Variants in ADGRB2 observed in about 807,000 individuals in gnomAD.
The protein encoded by ADGRB2 is adhesion G protein-coupled receptor B2, also known as brain-specific angiogenesis inhibitor 2.
In ADGRB2, 47 loss-of-function variants were observed where a neutral mutation model predicts 178.7. The observed-to-expected ratio is 0.26, with a 90% CI of 0.21 to 0.34. The LOEUF (loss-of-function observed/expected upper bound fraction) is 0.34. Ranked by LOEUF, ADGRB2 falls within the 10% of genes least tolerant of loss-of-function variation. The probability of loss-of-function intolerance (pLI) is 1.00; values close to 1 mark genes in which losing one functional copy is unlikely to be tolerated. For missense variants in ADGRB2, 1,584 were observed against 2,180.8 expected (o/e 0.73, Z 5.45); for synonymous variants, 870 against 912.4 (o/e 0.95, Z 0.84).
intron 4 of ADGRB2, among the ~76,000 whole-genome samples, chr1:31,751,852 G>A (rs955289303): frequency 2.6e-5 from 4 of 152,164 alleles, no homozygotes; most frequent in African/African-American, 9.6e-5. Context: ...CATCTGGCAG[G>A]GTCACAGTCG....
At chr1:31,732,449 T>G in intron 27 of ADGRB2, 68 bp downstream of exon 27, 1 of 1,553,890 alleles carries the variant, frequency 6.4e-7, no homozygotes, top group Non-Finnish European at 8.9e-7. Flanking sequence ...GTAAATGGTC[T>G]AGGGCAGGAG....
In ADGRB2 at chr1:31,744,049, G is replaced by T; in HGVS notation, c.1087+144C>A. On this transcript the variant is annotated intron_variant, in intron 6 of 32. Transcript: ENST00000373658. This position sits in a 1 kb window ranked among gnomAD's most constrained non-coding sequence, Gnocchi z 6.7. Reference sequence around the variant, plus strand: ...GCCCTGCACCGGGCTGGCATGGTACGCAGAGTTGGGCATGGTGTGGGGAAC... The same window carrying T: ...GCCCTGCACCGGGCTGGCATGGTACTCAGAGTTGGGCATGGTGTGGGGAAC... The T allele has an allele frequency of 9.0e-7, 1 of 1,111,256 alleles. No homozygotes were observed. Among genetic ancestry groups the T allele is most frequent in the Non-Finnish European group, 1.3e-6 (1 of 796,554 alleles). 68.8% of individuals were successfully genotyped at this position (1,111,256 alleles called of 1,614,324 possible).
intron 29 of ADGRB2, among the ~76,000 whole-genome samples, chr1:31,729,320 C>T (rs998624878): frequency 6.6e-5 from 10 of 152,128 alleles, no homozygotes; most frequent in African/African-American, 1.7e-4. Context: ...CCCAGGCCTT[C>T]GAAGGTGATA....
chr1:31,731,063 C>A lies in ADGRB2; in HGVS notation c.4117G>T (p.Ala1373Ser). 6.3e-7 allele frequency: 1 copy of A among 1,580,068 alleles called. No individual in the cohort carries two copies. Residue 1373 changes from alanine (A) to serine (S), a missense_variant, in exon 29 of 33, where the codon GCC becomes TCC. Ala to Ser is a moderately conservative substitution (Grantham distance 99, BLOSUM62 1). Coordinates refer to ENST00000373658, the MANE Select transcript of ADGRB2 (RefSeq NM_001364857.2). ...GTCCCCTCCGGCCGGGCCCTGGGGG[C>A]ATCCTCACCACCTCCACCCCCACCG... is the stretch of plus-strand genomic sequence containing the variant. ...PGGGGGGGED[A>S]PRARPEGTPR... is the part of the protein sequence containing the mutation.
chr1:31,737,530 A>G lies in ADGRB2; in HGVS notation c.2878T>C (p.Phe960Leu). 1 of 1,613,858 alleles carries G rather than the reference A, an allele frequency of 6.2e-7. No individual in the cohort carries two copies. The highest frequency in any genetic ancestry group is 8.5e-7 in the Non-Finnish European group (1 of 1,179,866). The change falls in exon 20 of 33, where the codon TTC (phenylalanine) becomes CTC (leucine). Residue 960 changes from phenylalanine to leucine, a missense_variant and splice_region_variant. Around this residue, in one of 3 missense-constraint regions of ADGRB2, gnomAD observed 865 missense variants for 1,192.8 expected, o/e 0.73. Transcript: ENST00000373658. ...LLAIYAAFWR[F>L]IKSERSIILL... ...ATGATGGAGCGTTCAGATTTTATGAACCTGCCGGGGCACAGCAGGCAGGGA... is the reference window on the plus strand; with the variant it reads ...ATGATGGAGCGTTCAGATTTTATGAGCCTGCCGGGGCACAGCAGGCAGGGA...
intron 4 of ADGRB2, among the ~76,000 whole-genome samples, chr1:31,747,100 A>T (rs955550953): frequency 2.0e-5 from 3 of 152,154 alleles, no homozygotes; most frequent in Non-Finnish European, 2.9e-5. Flanking sequence ...TCCTGTGGAT[A>T]CTTTGCAGAC....
At position 31,753,957 on chromosome 1, in the gene ADGRB2, G is replaced by C. The variant is rs1295041551; in HGVS notation, c.838+2042C>G. ...ATCATCCCATGCCAACTCCCTACAG[G>C]GGCCCTCCCTAAAAAGCAACCCCAA... On this transcript the variant is annotated intron_variant, in intron 4 of 32. Coordinates refer to ENST00000373658, the MANE Select transcript of ADGRB2 (RefSeq NM_001364857.2). This position sits in a 1 kb window ranked among gnomAD's most constrained non-coding sequence, Gnocchi z 4.1. Among the ~76,000 whole-genome samples the C allele has an allele frequency of 6.6e-6, 1 of 152,176 alleles. No individual in the cohort carries two copies. The highest frequency in any genetic ancestry group is 1.5e-5 in the Non-Finnish European group (1 of 68,022).
At position 31,755,864 on chromosome 1, in the gene ADGRB2, C is replaced by G; in HGVS notation, c.838+135G>C. 2 of 1,282,320 alleles carry G rather than the reference C, an allele frequency of 1.6e-6. No homozygotes were observed. Among genetic ancestry groups the G allele is most frequent in the East Asian group, 2.4e-5 (1 of 41,336 alleles). 79.4% of individuals were successfully genotyped at this position (1,282,320 alleles called of 1,614,324 possible). ...CTGCCATGCATTTTGGTGACCGCAA[C>G]ATTTGGACAAGGCTCAGCAGAGGGG... On this transcript the variant is annotated intron_variant, in intron 4 of 32. Coordinates refer to ENST00000373658, the MANE Select transcript of ADGRB2 (RefSeq NM_001364857.2). This position sits in a 1 kb window ranked among gnomAD's most constrained non-coding sequence, Gnocchi z 5.1.
chr1:31,755,219 CAGG>C lies in ADGRB2; in HGVS notation c.838+777_838+779del, dbSNP rs1040645327. 2.0e-5 allele frequency among the ~76,000 whole-genome samples: 3 copies of C among 152,232 alleles called. No homozygotes were observed. Among genetic ancestry groups the C allele is most frequent in the Non-Finnish European group, 4.4e-5 (3 of 68,038 alleles). Reference sequence around the variant, plus strand: ...GCACACAGGATCCAGCTGAGGCCCTCAGGGCCTTGAAGCTGCAGGAAGCAGGGT... The same window carrying C: ...GCACACAGGATCCAGCTGAGGCCCTCGCCTTGAAGCTGCAGGAAGCAGGGT... On this transcript the variant is annotated intron_variant, in intron 4 of 32. Coordinates refer to ENST00000373658, the MANE Select transcript of ADGRB2 (RefSeq NM_001364857.2). The surrounding 1 kb of genome is among the most constrained non-coding windows in gnomAD (Gnocchi z 5.1).
chr1:31,755,979 C>T lies in ADGRB2; in HGVS notation c.838+20G>A. On this transcript the variant is annotated intron_variant, in intron 4 of 32. Transcript: ENST00000373658. The surrounding 1 kb of genome is among the most constrained non-coding windows in gnomAD (Gnocchi z 5.1). The stretch of plus-strand genomic sequence containing the variant: ...CAGCCCCTGCAGACCCCGCCCCACC[C>T]AGGCCCTGCTGAGACTCACCATATC... 1 of 1,585,094 alleles carries T rather than the reference C, an allele frequency of 6.3e-7. No individual in the cohort carries two copies. The highest frequency in any genetic ancestry group is 8.6e-7 in the Non-Finnish European group (1 of 1,161,306).
intron 20 of ADGRB2, 138 bp from the exon 21 acceptor site, chr1:31,736,861 C>T: frequency 9.0e-6 from 12 of 1,325,974 alleles, no homozygotes; most frequent in South Asian, 3.0e-5. Flanking sequence ...TGCCAGGCAC[C>T]CCCGCCTTCC....
At chr1:31,745,464 G>C (rs1448271619) in intron 4 of ADGRB2, among the ~76,000 whole-genome samples, 2 of 152,192 alleles carry the variant, frequency 1.3e-5, no homozygotes, top group Non-Finnish European at 2.9e-5. Flanking sequence ...CAGCTGCCCT[G>C]ATTTATGTGT....
chr1:31,730,893 T>C lies in ADGRB2; in HGVS notation c.4287A>G (p.Thr1429=). 6.3e-7 allele frequency: 1 copy of C among 1,577,182 alleles called. No individual in the cohort carries two copies. The highest frequency in any genetic ancestry group is 8.6e-7 in the Non-Finnish European group (1 of 1,161,064). Residue 1429 remains threonine, a synonymous_variant, in exon 29 of 33, where the codon ACA becomes ACG. Transcript: ENST00000373658. ...YGMTFQPPPP[T]PSARQVPEPG... ...GCTCGGGCACTTGGCGGGCGCTGGG[T>C]GTCGGCGGTGGCGGTTGGAAGGTCA...
In ADGRB2 at chr1:31,753,113, C is replaced by T. The variant is rs750341287; in HGVS notation, c.838+2886G>A. Among the ~76,000 whole-genome samples the T allele has an allele frequency of 2.0e-5, 3 of 152,200 alleles. No homozygotes were observed. Among genetic ancestry groups the T allele is most frequent in the Non-Finnish European group, 4.4e-5 (3 of 68,038 alleles). ...TTAGAGGGTCAGTGGGCAGGAACTG[C>T]AGGCTGGCACTGGCCATCAGGAGCT... On this transcript the variant is annotated intron_variant, in intron 4 of 32. Coordinates refer to ENST00000373658, the MANE Select transcript of ADGRB2 (RefSeq NM_001364857.2). The surrounding 1 kb of genome is among the most constrained non-coding windows in gnomAD (Gnocchi z 4.1).
rs750201385 is a variant in ADGRB2, at chr1:31,758,287, C to T, written c.-190-776G>A. Among the ~76,000 whole-genome samples the T allele has an allele frequency of 3.9e-5, 6 of 152,204 alleles. No individual in the cohort carries two copies. Among genetic ancestry groups the T allele is most frequent in the African/African-American group, 2.4e-5 (1 of 41,442 alleles). ...ATCACACAAAGGTGGCCACAGAGGACGCAAGCCCAGGATCTGAGGCCCAGC... is the reference window on the plus strand; with the variant it reads ...ATCACACAAAGGTGGCCACAGAGGATGCAAGCCCAGGATCTGAGGCCCAGC... On this transcript the variant is annotated intron_variant, in intron 1 of 32. Coordinates refer to ENST00000373658, the MANE Select transcript of ADGRB2 (RefSeq NM_001364857.2). The surrounding 1 kb of genome is among the most constrained non-coding windows in gnomAD (Gnocchi z 4.2).
In ADGRB2 at chr1:31,741,583, G is replaced by A; in HGVS notation, c.1687+41C>T. 2.5e-6 allele frequency: 4 copies of A among 1,606,180 alleles called. No homozygotes were observed. Among genetic ancestry groups the A allele is most frequent in the Non-Finnish European group, 3.4e-6 (4 of 1,174,996 alleles). On this transcript the variant is annotated intron_variant, in intron 10 of 32. Coordinates refer to ENST00000373658, the MANE Select transcript of ADGRB2 (RefSeq NM_001364857.2). This position sits in a 1 kb window ranked among gnomAD's most constrained non-coding sequence, Gnocchi z 6.5. ...GGGCGCAGAAGGGGGCAATGAGAAT[G>A]GCAGGGGTGGTGGTGGTGGGGAAAG...
Position 31,757,241 on chromosome 1 carries a change from C to T in ADGRB2, c.-20G>A, listed in dbSNP as rs371888361. 1.8e-5 allele frequency: 29 copies of T among 1,614,126 alleles called. No homozygotes were observed. In the African/African-American group the frequency reaches 2.9e-4, roughly 16 times the overall value. On this transcript the variant is annotated 5_prime_UTR_variant, in exon 3 of 33. Coordinates refer to ENST00000373658, the MANE Select transcript of ADGRB2 (RefSeq NM_001364857.2). ...CTCCATAACTCTTGCTCTCCATCCC[C>T]GTGTGTCGTGATCAGCTGTGAGGCA...
rs572966821 is a variant in ADGRB2, at chr1:31,746,802, C to T, written c.839-2071G>A. On this transcript the variant is annotated intron_variant, in intron 4 of 32. Transcript: ENST00000373658. ...CCCTCCTCCAGCCTTCTCAGGAGGG[C>T]TCCACCCATTATCCCTTCTCATCGG... 4.6e-5 allele frequency among the ~76,000 whole-genome samples: 7 copies of T among 152,288 alleles called. No homozygotes were observed. In the East Asian group the frequency reaches 1.4e-3, roughly 29 times the overall value.
At position 31,738,954 on chromosome 1, in the gene ADGRB2, G is replaced by T; in HGVS notation, c.2496-17C>A. 6.3e-7 allele frequency: 1 copy of T among 1,589,742 alleles called. No homozygotes were observed. On this transcript the variant is annotated splice_polypyrimidine_tract_variant and intron_variant, in intron 15 of 32. Coordinates refer to ENST00000373658, the MANE Select transcript of ADGRB2 (RefSeq NM_001364857.2). ...AGCGGGGGCCTGCGGGACAGGTACC[G>T]AAGTCAGCTCCTGCCAGCGGGTGCC...
Sources: gnomAD v4.1 joint callset for allele counts (sites outside exome capture counted in the v4.1 genomes callset) on GRCh38, gnomAD v4.1.1 for gene constraint, gnomAD v4.1.1 regional missense constraint, Gnocchi (gnomAD v3.1) non-coding constraint, MANE v1.5 for transcripts, NCBI Gene and HGNC (gene_info 2026-07-23, HGNC 2026-07-21) for gene names.